The following TMEM150C variants were observed in gnomAD, a reference collection of about 807,000 sequenced individuals.
The protein encoded by TMEM150C is transmembrane protein 150C.
TMEM150C carries 10 observed loss-of-function variants against 29.9 expected under a neutral mutation model. That is an observed-to-expected ratio of 0.33 (90% CI 0.21 to 0.57). The LOEUF is 0.57. Ranked by LOEUF, TMEM150C falls within the 20% of genes least tolerant of loss-of-function variation. TMEM150C has a pLI of 0.88. For missense variants in TMEM150C, 251 were observed against 303.6 expected, an observed-to-expected ratio of 0.83 and a Z score of 1.29; for synonymous variants, 101 against 112.5, an observed-to-expected ratio of 0.90 and a Z score of 0.64.
intron 1 of TMEM150C, among the ~76,000 whole-genome samples, chr4:82,533,137 C>A (rs1479586076): frequency 6.6e-6 from 1 of 151,884 alleles, no homozygotes; most frequent in Non-Finnish European, 1.5e-5. Context: ...GTTGTTGGTC[C>A]ATAGATGTGT....
At chr4:82,518,411 A>G (rs1578137452) in intron 1 of TMEM150C, among the ~76,000 whole-genome samples, 1 of 151,934 alleles carries the variant, frequency 6.6e-6, no homozygotes, top group Non-Finnish European at 1.5e-5. Flanking sequence ...CAAAGGCTCC[A>G]GTGTTGCTTA....
intron 7 of TMEM150C, among the ~76,000 whole-genome samples, chr4:82,489,272 C>T (rs1327405423): frequency 6.6e-6 from 1 of 151,970 alleles, no homozygotes; most frequent in Non-Finnish European, 1.5e-5. Context: ...TAGGTGAGGC[C>T]ACTGCACTCC....
At chr4:82,540,114 C>CTTTTTT (rs577728662) in intron 1 of TMEM150C, among the ~76,000 whole-genome samples, 579 of 47,144 alleles carry the variant, frequency 0.012, 133 homozygotes, top group Non-Finnish European at 0.024. Context: ...TCTACCTATT[C>CTTTTTT]TTTTTTTTTT....
In TMEM150C at chr4:82,533,381, T is replaced by C. The variant is rs542199013; in HGVS notation, c.-11+28525A>G. The stretch of plus-strand genomic sequence containing the variant: ...GAAAATTATGGAAAGCTACTCAAAC[T>C]TTTTTATAGGCTATTTCTGATGCCA... On this transcript the variant is annotated intron_variant, in intron 1 of 7. Coordinates refer to ENST00000449862, the MANE Select transcript of TMEM150C (RefSeq NM_001080506.3). 5.3e-5 allele frequency among the ~76,000 whole-genome samples: 8 copies of C among 152,362 alleles called. No individual in the cohort carries two copies. The East Asian group carries it at 1.3e-3, about 26-fold the overall frequency.
chr4:82,504,204 T>C (rs1337291561), intron 2 of TMEM150C, among the ~76,000 whole-genome samples: 2 of 152,110 alleles, frequency 1.3e-5, no homozygotes, highest in African/African-American at 4.8e-5. Context: ...ATATGCCATC[T>C]ACTATTTTTT....
intron 1 of TMEM150C, among the ~76,000 whole-genome samples, chr4:82,545,745 C>T (rs1041793272): frequency 1.3e-5 from 2 of 152,146 alleles, no homozygotes; most frequent in African/African-American, 4.8e-5. Flanking sequence ...GCCTGGCCAA[C>T]ATGGCAAAAC....
chr4:82,550,707 G>A (rs578148032), intron 1 of TMEM150C, among the ~76,000 whole-genome samples: 1 of 151,994 alleles, frequency 6.6e-6, no homozygotes, highest in East Asian at 1.9e-4. Context: ...GGAGAATGGC[G>A]TGAACCCAGG....
At chr4:82,516,767 C>A (rs555674599) in intron 1 of TMEM150C, among the ~76,000 whole-genome samples, 1 of 152,146 alleles carries the variant, frequency 6.6e-6, no homozygotes, top group Non-Finnish European at 1.5e-5. Flanking sequence ...CTTTTAATGT[C>A]CTCTTGGTGA....
chr4:82,521,146 T>C (rs1454447138), intron 1 of TMEM150C, among the ~76,000 whole-genome samples: 1 of 152,194 alleles, frequency 6.6e-6, no homozygotes, highest in African/African-American at 2.4e-5. Flanking sequence ...GAGCATCCCA[T>C]TGAAAATCCC....
intron 7 of TMEM150C, among the ~76,000 whole-genome samples, chr4:82,488,740 G>C (rs1218983354): frequency 6.6e-6 from 1 of 152,110 alleles, no homozygotes; most frequent in Non-Finnish European, 1.5e-5. Flanking sequence ...AGCCTCCCAA[G>C]TAGCTTGGAC....
At chr4:82,551,105 AT>A (rs1725563436) in intron 1 of TMEM150C, among the ~76,000 whole-genome samples, 4 of 152,212 alleles carry the variant, frequency 2.6e-5, no homozygotes, top group Non-Finnish European at 5.9e-5. Flanking sequence ...ATGGAGCCAG[AT>A]TGTCAGTTCT....
At chr4:82,511,840 C>T (rs1724137168) in intron 1 of TMEM150C, among the ~76,000 whole-genome samples, 1 of 152,194 alleles carries the variant, frequency 6.6e-6, no homozygotes, top group South Asian at 2.1e-4. Context: ...ATAATACTGT[C>T]TTAGAGTTTC....
intron 5 of TMEM150C, among the ~76,000 whole-genome samples, chr4:82,496,562 G>T (rs1307919281): frequency 6.6e-6 from 1 of 152,192 alleles, no homozygotes; most frequent in African/African-American, 2.4e-5. Context: ...CAAAAACAAG[G>T]TCAGCACAGG....
chr4:82,492,769 T>G (rs1723399180), intron 6 of TMEM150C, among the ~76,000 whole-genome samples: 1 of 138,420 alleles, frequency 7.2e-6, no homozygotes, highest in Admixed American at 7.4e-5. Context: ...TCAATCATAC[T>G]TCACCAAGAC....
At chr4:82,491,809 A>G (rs999830735) in intron 6 of TMEM150C, among the ~76,000 whole-genome samples, 5 of 150,414 alleles carry the variant, frequency 3.3e-5, no homozygotes, top group African/African-American at 4.9e-5. Flanking sequence ...GCCAATATAT[A>G]TTTACTGATG....
chr4:82,525,645 A>T (rs1163141026), intron 1 of TMEM150C, among the ~76,000 whole-genome samples: 1 of 152,192 alleles, frequency 6.6e-6, no homozygotes, highest in Non-Finnish European at 1.5e-5. Flanking sequence ...AACAGCTTTG[A>T]ATATGGTTAC....
intron 1 of TMEM150C, among the ~76,000 whole-genome samples, chr4:82,529,844 T>C (rs1233093981): frequency 6.6e-6 from 1 of 152,088 alleles, no homozygotes; most frequent in Non-Finnish European, 1.5e-5. Context: ...TGTGCAGGCA[T>C]GAGTAAAGGG....
At chr4:82,489,071 T>C (rs1723248906) in intron 7 of TMEM150C, among the ~76,000 whole-genome samples, 1 of 150,892 alleles carries the variant, frequency 6.6e-6, no homozygotes, top group African/African-American at 2.4e-5. Context: ...GATTTTTTTT[T>C]TTTTTTTTTT....
At chr4:82,517,706 G>C (rs1402462188) in intron 1 of TMEM150C, among the ~76,000 whole-genome samples, 1 of 152,154 alleles carries the variant, frequency 6.6e-6, no homozygotes, top group Non-Finnish European at 1.5e-5. Context: ...CAGGCCTCCA[G>C]ACTTGGACTG....
Sources: allele counts gnomAD v4.1 joint callset (sites outside exome capture counted in the v4.1 genomes callset), GRCh38; gene constraint gnomAD v4.1.1; transcripts MANE v1.5; gene names NCBI Gene and HGNC (gene_info 2026-07-23, HGNC 2026-07-21).